Variants in MAML3 observed in about 807,000 individuals in gnomAD.
MAML3 encodes the protein mastermind like transcriptional coactivator 3, also known as mastermind-like protein 3.
MAML3 carries 27 observed loss-of-function variants against 101.9 expected under a neutral mutation model. The ratio of observed to expected loss-of-function variants is 0.27; its 90% CI spans 0.20 to 0.37. The LOEUF (loss-of-function observed/expected upper bound fraction) is 0.37. Among genes scored for constraint, MAML3 ranks in the 10% least tolerant of loss-of-function variants. The pLI is 1.00. For missense variants in MAML3, 1,316 were observed against 1,444.9 expected, an observed-to-expected ratio of 0.91 and a Z score of 1.45; for synonymous variants, 501 against 555.9, an observed-to-expected ratio of 0.90 and a Z score of 1.39.
chr4:139,841,122 G>A (rs551711714), intron 2 of MAML3, among the ~76,000 whole-genome samples: 1 of 152,282 alleles, frequency 6.6e-6, no homozygotes, highest in South Asian at 2.1e-4. Context: ...ATTTATCAAG[G>A]CAATACTCAT....
At chr4:139,778,189 A>C (rs60815784) in intron 2 of MAML3, among the ~76,000 whole-genome samples, 67 of 152,372 alleles carry the variant, frequency 4.4e-4, no homozygotes, top group African/African-American at 1.6e-3. Flanking sequence ...CCGTGATAAA[A>C]GTAGGTTGTT....
chr4:140,147,279 T>C (rs899207501), intron 1 of MAML3, among the ~76,000 whole-genome samples: 2 of 152,052 alleles, frequency 1.3e-5, no homozygotes, highest in Non-Finnish European at 1.5e-5. Flanking sequence ...CTATGGACAA[T>C]GTACCAATGC....
Position 139,789,739 on chromosome 4 carries a change from G to C in MAML3, c.2080-59072C>G, listed in dbSNP as rs542685222. ...GAGAGAAAGTATTGAAGATTAAACA[G>C]AACAGTTAGAAAGTTAATTCAAAAG... On this transcript the variant is annotated intron_variant, in intron 2 of 4. Transcript: ENST00000509479. Among the ~76,000 whole-genome samples, 27 of 152,216 alleles carry C rather than the reference G, an allele frequency of 1.8e-4. 1 individual carries two copies. The South Asian group carries it at 3.5e-3, about 20-fold the overall frequency.
intron 2 of MAML3, among the ~76,000 whole-genome samples, chr4:139,768,578 A>G (rs538428536): frequency 1.3e-5 from 2 of 152,240 alleles, no homozygotes; most frequent in Non-Finnish European, 2.9e-5. Context: ...CTTATGAATC[A>G]ATAGCAATGT....
Position 139,889,782 on chromosome 4 carries a change from G to A in MAML3, c.1654C>T (p.Pro552Ser), listed in dbSNP as rs1442225507. Residue 552 changes from proline (P) to serine (S), a missense_variant, in exon 2 of 5, where the codon CCT becomes TCT. Physicochemically the swap from Pro to Ser is moderately conservative, Grantham distance 74. Transcript: ENST00000509479. ...TTGTTTGCCATTGGAGGCACTATAG[G>A]GTTTTGGTTGTTAAAGGCTTGGGGG... ...MYPQAFNNQN[P>S]IVPPMANNLQ... 2.5e-6 allele frequency: 4 copies of A among 1,613,948 alleles called. No individual in the cohort carries two copies. Among genetic ancestry groups the A allele is most frequent in the Non-Finnish European group, 3.4e-6 (4 of 1,179,882 alleles).
chr4:140,006,472 G>T (rs1726449173), intron 1 of MAML3, among the ~76,000 whole-genome samples: 2 of 151,336 alleles, frequency 1.3e-5, no homozygotes. Context: ...TGTAATCCCA[G>T]TTACTCTGGA....
In MAML3 at chr4:139,744,215, G is replaced by A. The variant is rs145114006; in HGVS notation, c.2080-13548C>T. ...TTGCCAGGGTGGCTGACCTAATAGA[G>A]GTTCAGGGATCTGGTTTGAGAACAT... On this transcript the variant is annotated intron_variant, in intron 2 of 4. Coordinates refer to ENST00000509479, the MANE Select transcript of MAML3 (RefSeq NM_018717.5). Among the ~76,000 whole-genome samples the A allele has an allele frequency of 5.4e-3, 818 of 152,304 alleles. 5 individuals are homozygous for A. Among genetic ancestry groups the A allele is most frequent in the African/African-American group, 0.019 (775 of 41,548 alleles).
chr4:140,056,780 C>CA (rs952674473), intron 1 of MAML3, among the ~76,000 whole-genome samples: 1 of 149,674 alleles, frequency 6.7e-6, no homozygotes, highest in African/African-American at 2.5e-5. Context: ...CTGCACTCTC[C>CA]AGCCTCAGCG....
rs56361332 is a variant in MAML3 at position 139,864,923 on chromosome 4, CT to C, written c.2079+24433del. 4.1e-3 allele frequency among the ~76,000 whole-genome samples: 253 copies of C among 62,406 alleles called. 12 individuals are homozygous for C. The highest frequency in any genetic ancestry group is 0.012 in the Middle Eastern group (1 of 82). 40.9% of individuals were successfully genotyped at this position (62,406 alleles called of 152,430 possible). A position where few individuals can be genotyped will look rare whatever the true frequency, so the allele number is the denominator to read the frequency against. The stretch of plus-strand genomic sequence containing the variant: ...TTAGGAAAATAGTAATGCAAACTTG[CT>C]TTTTTTTTTTTTTTTTTTTTTTTTT... On this transcript the variant is annotated intron_variant, in intron 2 of 4. Coordinates refer to ENST00000509479, the MANE Select transcript of MAML3 (RefSeq NM_018717.5).
chr4:139,784,484 C>T (rs911241305), intron 2 of MAML3, among the ~76,000 whole-genome samples: 1 of 152,154 alleles, frequency 6.6e-6, no homozygotes, highest in African/African-American at 2.4e-5. Flanking sequence ...CCCCTCTTCT[C>T]TCCCTGCTGT....
chr4:140,052,400 A>T (rs1053640915), intron 1 of MAML3, among the ~76,000 whole-genome samples: 3 of 152,126 alleles, frequency 2.0e-5, no homozygotes, highest in Admixed American at 2.0e-4. Context: ...CTGAACACAC[A>T]TCTGTGTGGG....
At chr4:139,814,498 G>T (rs1730860822) in intron 2 of MAML3, among the ~76,000 whole-genome samples, 1 of 152,176 alleles carries the variant, frequency 6.6e-6, no homozygotes, top group Non-Finnish European at 1.5e-5. Flanking sequence ...TCCCGAGAGG[G>T]TTTCCTGTCA....
chr4:139,971,905 G>A (rs890073997), intron 1 of MAML3, among the ~76,000 whole-genome samples: 5 of 152,274 alleles, frequency 3.3e-5, no homozygotes, highest in Admixed American at 6.5e-5. Flanking sequence ...AGCAGTGGGC[G>A]TGGCTCATTC....
At chr4:140,122,339 G>A (rs1213298608) in intron 1 of MAML3, among the ~76,000 whole-genome samples, 4 of 149,636 alleles carry the variant, frequency 2.7e-5, no homozygotes, top group African/African-American at 9.8e-5. Flanking sequence ...TCCTACCTCA[G>A]CCTCCCAAGT....
chr4:139,971,361 C>A (rs1305508501), intron 1 of MAML3, among the ~76,000 whole-genome samples: 1 of 152,202 alleles, frequency 6.6e-6, no homozygotes, highest in African/African-American at 2.4e-5. Context: ...GATTCTGTTT[C>A]AAATGTCAAC....
At chr4:140,048,386 T>A (rs988521019) in intron 1 of MAML3, among the ~76,000 whole-genome samples, 14 of 152,228 alleles carry the variant, frequency 9.2e-5, no homozygotes, top group African/African-American at 3.4e-4. Flanking sequence ...CTCCAAAAGG[T>A]CAGGAGAAAT....
intron 2 of MAML3, among the ~76,000 whole-genome samples, chr4:139,741,655 G>T (rs1239044553): frequency 6.6e-6 from 1 of 152,170 alleles, no homozygotes; most frequent in Non-Finnish European, 1.5e-5. Flanking sequence ...GCTGAGGTGG[G>T]AGGATCGCTT....
At chr4:139,811,134 C>T (rs960238090) in intron 2 of MAML3, among the ~76,000 whole-genome samples, 5 of 152,220 alleles carry the variant, frequency 3.3e-5, no homozygotes, top group Non-Finnish European at 7.3e-5. Context: ...CTGCCTGTGT[C>T]TGGCTTCTTA....
At chr4:139,997,252 CTTTCT>C (rs538827548) in intron 1 of MAML3, among the ~76,000 whole-genome samples, 121 of 151,062 alleles carry the variant, frequency 8.0e-4, no homozygotes, top group African/African-American at 2.7e-3. Flanking sequence ...TCCTTTACTG[CTTTCT>C]TTTGTGTTAA....
Sources: allele counts gnomAD v4.1 joint callset (sites outside exome capture counted in the v4.1 genomes callset), GRCh38; gene constraint gnomAD v4.1.1; transcripts MANE v1.5; gene names NCBI Gene and HGNC (gene_info 2026-07-23, HGNC 2026-07-21).